Variants in CHCHD6 observed in about 807,000 individuals in gnomAD.
CHCHD6 encodes the protein coiled-coil-helix-coiled-coil-helix domain containing 6, also known as MICOS complex subunit MIC25.
Under a neutral mutation model 32.3 loss-of-function variants are expected in CHCHD6, and 28 were observed. That is an observed-to-expected ratio of 0.87 (90% confidence interval 0.64 to 1.19). CHCHD6 has a LOEUF of 1.19. Ranked by LOEUF, CHCHD6 falls within the 50% of genes most tolerant of loss-of-function variation. The pLI is 0.00. For synonymous variants in CHCHD6, 122 were observed against 117.5 expected, an observed-to-expected ratio of 1.04 and a Z score of -0.25; for missense variants, 333 against 307.0, an observed-to-expected ratio of 1.08 and a Z score of -0.63.
chr3:126,831,014 G>A (rs1358347115), intron 4 of CHCHD6, among the ~76,000 whole-genome samples: 3 of 149,968 alleles, frequency 2.0e-5, no homozygotes, highest in East Asian at 1.9e-4. Flanking sequence ...CTCCTGGGCG[G>A]CCCTGCCAGT....
chr3:126,758,438 G>A (rs564849251), intron 4 of CHCHD6, among the ~76,000 whole-genome samples: 59 of 152,246 alleles, frequency 3.9e-4, no homozygotes, highest in African/African-American at 1.4e-3. Flanking sequence ...TGTCTTTTTG[G>A]CCATTCTTTC....
intron 5 of CHCHD6, among the ~76,000 whole-genome samples, chr3:126,868,832 T>G (rs1576530315): frequency 6.6e-6 from 1 of 152,296 alleles, no homozygotes; most frequent in East Asian, 1.9e-4. Context: ...TGCCTAAACT[T>G]GTTTTCTTAA....
chr3:126,764,258 C>A (rs1054991752), intron 4 of CHCHD6, among the ~76,000 whole-genome samples: 27 of 145,894 alleles, frequency 1.9e-4, no homozygotes, highest in African/African-American at 6.3e-4. Flanking sequence ...CAGCACTAAA[C>A]CAGGCACCTT....
At chr3:126,850,309 T>G (rs750673704) in intron 4 of CHCHD6, among the ~76,000 whole-genome samples, 7 of 152,250 alleles carry the variant, frequency 4.6e-5, no homozygotes, top group Non-Finnish European at 1.0e-4. Flanking sequence ...ACAGTTCATT[T>G]CATTCTTAAC....
chr3:126,841,556 A>T (rs115009914), intron 4 of CHCHD6, among the ~76,000 whole-genome samples: 1,548 of 152,224 alleles, frequency 0.01, 28 homozygotes, highest in African/African-American at 0.035. Context: ...TGACGATCTC[A>T]CTATAACCAT....
At chr3:126,929,333 A>T (rs1046686825) in intron 6 of CHCHD6, among the ~76,000 whole-genome samples, 8 of 152,116 alleles carry the variant, frequency 5.3e-5, no homozygotes, top group African/African-American at 1.9e-4. Flanking sequence ...CAGCATGTAC[A>T]CTGGGTTGCA....
rs548622712 is a variant in CHCHD6 at position 126,826,615 on chromosome 3, A to T, written c.412-26032A>T. Among the ~76,000 whole-genome samples, 375 of 152,238 alleles carry T rather than the reference A, an allele frequency of 2.5e-3. 1 individual carries two copies. The highest frequency in any genetic ancestry group is 8.6e-3 in the African/African-American group (356 of 41,524). Reference sequence around the variant, plus strand: ...TGTAATGGCGGCAGAAGGAGGCATCATTATTTCCCTGAGTTAGATGGGGAA... The same window carrying T: ...TGTAATGGCGGCAGAAGGAGGCATCTTTATTTCCCTGAGTTAGATGGGGAA... On this transcript the variant is annotated intron_variant, in intron 4 of 7. Coordinates refer to ENST00000290913, the MANE Select transcript of CHCHD6 (RefSeq NM_032343.3).
chr3:126,810,044 A>T (rs1939590762), intron 4 of CHCHD6, among the ~76,000 whole-genome samples: 1 of 152,214 alleles, frequency 6.6e-6, no homozygotes, highest in South Asian at 2.1e-4. Context: ...AAGACCCCTC[A>T]TATACAGAGA....
intron 4 of CHCHD6, among the ~76,000 whole-genome samples, chr3:126,810,863 G>T (rs1939625391): frequency 6.6e-6 from 1 of 152,234 alleles, no homozygotes; most frequent in Non-Finnish European, 1.5e-5. Flanking sequence ...GGAAGAACAG[G>T]TTGTGGGGGT....
chr3:126,732,920 G>A (rs1437732980), intron 3 of CHCHD6, among the ~76,000 whole-genome samples, 158 bp from the exon 4 acceptor site: 1 of 152,180 alleles, frequency 6.6e-6, no homozygotes, highest in East Asian at 1.9e-4. Context: ...TGGAATGATG[G>A]GGCATGCGGT....
At chr3:126,743,498 C>T (rs1319551662) in intron 4 of CHCHD6, among the ~76,000 whole-genome samples, 1 of 152,194 alleles carries the variant, frequency 6.6e-6, no homozygotes, top group Admixed American at 6.5e-5. Context: ...CCTGGTGTCA[C>T]TGCTTCTAAT....
intron 4 of CHCHD6, among the ~76,000 whole-genome samples, chr3:126,815,478 A>G (rs1421157586): frequency 2.0e-5 from 3 of 152,092 alleles, no homozygotes; most frequent in Non-Finnish European, 4.4e-5. Context: ...CTCGTTGTCT[A>G]AGCTGGAAAC....
chr3:126,810,222 A>G (rs1217686690), intron 4 of CHCHD6, among the ~76,000 whole-genome samples: 1 of 152,234 alleles, frequency 6.6e-6, no homozygotes, highest in East Asian at 1.9e-4. Flanking sequence ...TGTGAATAAT[A>G]TTTCCAGTCA....
chr3:126,812,121 T>C (rs2107531867), intron 4 of CHCHD6, among the ~76,000 whole-genome samples: 1 of 151,638 alleles, frequency 6.6e-6, no homozygotes, highest in South Asian at 2.1e-4. Flanking sequence ...TTTTTTTAAG[T>C]GAAAAATCAT....
At chr3:126,830,967 G>A (rs1940613193) in intron 4 of CHCHD6, among the ~76,000 whole-genome samples, 1 of 151,982 alleles carries the variant, frequency 6.6e-6, no homozygotes, top group South Asian at 2.1e-4. Context: ...ACCAGGGCCT[G>A]CTCGGGGGCC....
chr3:126,916,599 T>C (rs1432003778), intron 6 of CHCHD6, among the ~76,000 whole-genome samples: 2 of 152,146 alleles, frequency 1.3e-5, no homozygotes, highest in South Asian at 4.1e-4. Context: ...ATCCAGGAGT[T>C]GAAGGGTGCT....
At chr3:126,788,176 C>A (rs1460236468) in intron 4 of CHCHD6, among the ~76,000 whole-genome samples, 7 of 152,060 alleles carry the variant, frequency 4.6e-5, no homozygotes, top group Non-Finnish European at 1.0e-4. Flanking sequence ...GGATGAAGCC[C>A]ACTTGATCAT....
intron 6 of CHCHD6, among the ~76,000 whole-genome samples, chr3:126,955,636 C>A (rs1017303555): frequency 1.3e-5 from 2 of 152,174 alleles, no homozygotes; most frequent in African/African-American, 4.8e-5. Flanking sequence ...CATCCCTCCC[C>A]GTCTTTAATT....
intron 5 of CHCHD6, among the ~76,000 whole-genome samples, chr3:126,900,952 C>G (rs1430741381): frequency 6.6e-6 from 1 of 152,102 alleles, no homozygotes; most frequent in Non-Finnish European, 1.5e-5. Context: ...CCTCACTCAT[C>G]ACCAAGGGGA....
Sources: gnomAD v4.1 joint callset for allele counts (sites outside exome capture counted in the v4.1 genomes callset) on GRCh38, gnomAD v4.1.1 for gene constraint, MANE v1.5 for transcripts, NCBI Gene and HGNC (gene_info 2026-07-23, HGNC 2026-07-21) for gene names.